Variants in ECHDC1 observed in about 807,000 individuals in gnomAD.
ECHDC1 encodes ethylmalonyl-CoA decarboxylase.
A neutral mutation model predicts 29.7 loss-of-function variants in ECHDC1; 29 were observed. The ratio of observed to expected loss-of-function variants is 0.98; its 90% CI spans 0.73 to 1.33. ECHDC1 has a LOEUF of 1.33. Among genes scored for constraint, ECHDC1 ranks in the 40% most tolerant of loss-of-function variants. ECHDC1 has a pLI of 0.00. For synonymous variants in ECHDC1, 126 were observed against 123.1 expected, an observed-to-expected ratio of 1.02 and a Z score of -0.15; for missense variants, 328 against 350.0, an observed-to-expected ratio of 0.94 and a Z score of 0.50.
At chr6:127,336,573 G>A (rs1413589995) in intron 1 of ECHDC1, among the ~76,000 whole-genome samples, 4 of 152,038 alleles carry the variant, frequency 2.6e-5, no homozygotes, top group Admixed American at 6.6e-5. Context: ...GAGCTATCCT[G>A]GTCAAATAAA....
At chr6:127,302,045 C>T (rs982245344) in intron 5 of ECHDC1, among the ~76,000 whole-genome samples, 4 of 152,132 alleles carry the variant, frequency 2.6e-5, no homozygotes, top group African/African-American at 9.7e-5. Context: ...AGGCAGTACC[C>T]TCAGACATCT....
intron 3 of ECHDC1, among the ~76,000 whole-genome samples, chr6:127,320,602 G>A (rs1782756210): frequency 6.6e-6 from 1 of 152,142 alleles, no homozygotes; most frequent in South Asian, 2.1e-4. Flanking sequence ...GCTTATAACT[G>A]CACTTTGATT....
At chr6:127,319,660 G>A (rs546604396) in intron 3 of ECHDC1, among the ~76,000 whole-genome samples, 12 of 152,338 alleles carry the variant, frequency 7.9e-5, no homozygotes, top group African/African-American at 2.9e-4. Flanking sequence ...AGCTGTGGGT[G>A]AGGAACCAGT....
At chr6:127,330,737 C>G in intron 2 of ECHDC1, 72 bp downstream of exon 2, 1 of 1,321,124 alleles carries the variant, frequency 7.6e-7, no homozygotes, top group Non-Finnish European at 1.1e-6. Flanking sequence ...GTCACCACAG[C>G]AAGGATAAAA....
intron 5 of ECHDC1, among the ~76,000 whole-genome samples, chr6:127,299,435 C>T (rs1780880431): frequency 7.0e-6 from 1 of 142,082 alleles, no homozygotes; most frequent in Admixed American, 7.3e-5. Context: ...GTGTGTTTGT[C>T]TTAGCTTTTA....
intron 2 of ECHDC1, among the ~76,000 whole-genome samples, chr6:127,328,886 G>A (rs1783631141): frequency 6.6e-6 from 1 of 152,138 alleles, no homozygotes. Flanking sequence ...AACTAGCCGG[G>A]CGTGGTGGCA....
chr6:127,292,641 G>A (rs1489482987), intron 5 of ECHDC1, among the ~76,000 whole-genome samples: 4 of 151,914 alleles, frequency 2.6e-5, no homozygotes, highest in African/African-American at 9.7e-5. Context: ...ACCTAAAAAT[G>A]AAAGTTTAAA....
At chr6:127,319,095 AT>A (rs1320600549) in intron 3 of ECHDC1, among the ~76,000 whole-genome samples, 1 of 152,252 alleles carries the variant, frequency 6.6e-6, no homozygotes, top group African/African-American at 2.4e-5. Context: ...GGTGAAGCAA[AT>A]TATTAGCCTG....
chr6:127,335,223 T>C (rs907359895), intron 1 of ECHDC1, among the ~76,000 whole-genome samples: 3 of 152,128 alleles, frequency 2.0e-5, no homozygotes, highest in African/African-American at 7.2e-5. Flanking sequence ...TTCCAATGAA[T>C]ACTTACCTGA....
At chr6:127,296,725 A>C (rs989240050) in intron 5 of ECHDC1, among the ~76,000 whole-genome samples, 3 of 152,174 alleles carry the variant, frequency 2.0e-5, no homozygotes, top group Non-Finnish European at 4.4e-5. Flanking sequence ...ACTTTAATAT[A>C]AATGGGCTGT....
At chr6:127,309,241 C>G (rs1323417883) in intron 5 of ECHDC1, among the ~76,000 whole-genome samples, 2 of 151,816 alleles carry the variant, frequency 1.3e-5, no homozygotes, top group Non-Finnish European at 2.9e-5. Flanking sequence ...AGCATAAAAA[C>G]AGACAACCAG....
intron 5 of ECHDC1, among the ~76,000 whole-genome samples, chr6:127,297,824 TC>T (rs1780736456): frequency 6.6e-6 from 1 of 152,154 alleles, no homozygotes; most frequent in South Asian, 2.1e-4. Context: ...GCTTTTGGAT[TC>T]AACTGTAAAA....
chr6:127,294,037 T>C (rs776689595), intron 5 of ECHDC1, among the ~76,000 whole-genome samples: 1 of 152,154 alleles, frequency 6.6e-6, no homozygotes, highest in Non-Finnish European at 1.5e-5. Context: ...AAGCAGAAGA[T>C]TGCAAGCTGA....
intron 5 of ECHDC1, among the ~76,000 whole-genome samples, chr6:127,313,931 T>C (rs1211139987): frequency 6.6e-6 from 1 of 152,230 alleles, no homozygotes; most frequent in East Asian, 1.9e-4. Flanking sequence ...GATACTTCCA[T>C]TTTATAGATA....
intron 3 of ECHDC1, among the ~76,000 whole-genome samples, chr6:127,319,873 CAT>C (rs764733629): frequency 6.6e-6 from 1 of 152,136 alleles, no homozygotes; most frequent in Non-Finnish European, 1.5e-5. Context: ...TGATTAACAT[CAT>C]ATGTACTCTA....
intron 4 of ECHDC1, chr6:127,315,306 T>C: frequency 2.8e-6 from 1 of 350,928 alleles, no homozygotes. Context: ...GGTTAAAAGT[T>C]GGAAAATCAA....
intron 3 of ECHDC1, among the ~76,000 whole-genome samples, chr6:127,317,615 T>C (rs1402208601): frequency 2.0e-5 from 3 of 152,182 alleles, no homozygotes; most frequent in African/African-American, 7.2e-5. Flanking sequence ...AGAAACTCTA[T>C]AAAAGATTGC....
chr6:127,302,598 C>A (rs1781136756), intron 5 of ECHDC1, among the ~76,000 whole-genome samples: 1 of 152,014 alleles, frequency 6.6e-6, no homozygotes, highest in South Asian at 2.1e-4. Context: ...CGGGTTTTCA[C>A]CAAGTTGGCC....
intron 5 of ECHDC1, among the ~76,000 whole-genome samples, chr6:127,296,135 CT>C (rs2114559329): frequency 6.6e-6 from 1 of 152,292 alleles, no homozygotes; most frequent in South Asian, 2.1e-4. Flanking sequence ...TAAACTACCA[CT>C]TGAAATCCAG....
Sources: gnomAD v4.1 joint callset for allele counts (sites outside exome capture counted in the v4.1 genomes callset) on GRCh38, gnomAD v4.1.1 for gene constraint, MANE v1.5 for transcripts, NCBI Gene and HGNC (gene_info 2026-07-23, HGNC 2026-07-21) for gene names.